Variants in MKNK1 observed in about 807,000 individuals in gnomAD.
The protein encoded by MKNK1 is MAPK interacting serine/threonine kinase 1.
A neutral mutation model predicts 49.3 loss-of-function variants in MKNK1; 30 were observed. The ratio of observed to expected loss-of-function variants is 0.61; its 90% CI spans 0.46 to 0.83. MKNK1 has a LOEUF of 0.83. Among genes scored for constraint, MKNK1 ranks in the 40% least tolerant of loss-of-function variants. MKNK1 has a pLI of 0.00. For missense variants in MKNK1, 423 were observed against 524.7 expected (o/e 0.81, Z 1.89); for synonymous variants, 176 against 201.7 (o/e 0.87, Z 1.08).
intron 10 of MKNK1, 23 bp from the exon 11 acceptor site, chr1:46,561,665 G>C (rs759584563): frequency 1.2e-6 from 2 of 1,611,432 alleles, no homozygotes; most frequent in Admixed American, 1.7e-5. Context: ...GATTCCTCCT[G>C]AGGCCACACT....
Position 46,558,634 on chromosome 1 carries a change from T to TCCGGGCCAGGC in MKNK1, c.1169_1179dup (p.Arg394AlafsTer47). The TCCGGGCCAGGC allele has an allele frequency of 6.2e-7, 1 of 1,614,064 alleles. No homozygotes were observed. Among genetic ancestry groups the TCCGGGCCAGGC allele is most frequent in the African/African-American group, 1.3e-5 (1 of 75,066 alleles). On this transcript the variant is annotated frameshift_variant, in exon 13 of 13. Coordinates refer to ENST00000371945, the MANE Select transcript of MKNK1 (RefSeq NM_001135553.4). LOFTEE classifies it high-confidence loss of function. ...CGGCCTGCCTGGGCCAGGGCCCGTC[T>TCCGGGCCAGGC]CCGGGCCAGGCGTGACTTGCAGGGA...
intron 6 of MKNK1, chr1:46,574,198 A>G (rs1670619689): frequency 6.6e-6 from 1 of 152,232 alleles, no homozygotes; most frequent in Non-Finnish European, 1.5e-5. Flanking sequence ...GGTGCTATCA[A>G]TATCTCTATT....
chr1:46,594,029 T>C (rs1180899211), intron 2 of MKNK1, 84 bp downstream of exon 2: 2 of 1,099,590 alleles, frequency 1.8e-6, no homozygotes, highest in East Asian at 4.7e-5. Flanking sequence ...CACGGTCTCT[T>C]ACCCGCCCTT....
Position 46,565,349 on chromosome 1 carries a change from G to GT in MKNK1, c.514-214_514-213insA. The GT allele has an allele frequency of 5.3e-6, 3 of 569,778 alleles. No homozygotes were observed. In the South Asian group the frequency reaches 6.0e-5, roughly 11 times the overall value. The allele number at this position is 569,778 out of a possible 1,614,324, so 35.3% of individuals were successfully genotyped here. ...GAGCTCTCTTATTTCCCATCTAAGGGAAAAATGGGTGGACTATTTGGTGTC... is the reference window on the plus strand; with the variant it reads ...GAGCTCTCTTATTTCCCATCTAAGGGTAAAAATGGGTGGACTATTTGGTGTC... On this transcript the variant is annotated intron_variant, in intron 8 of 12. Coordinates refer to ENST00000371945, the MANE Select transcript of MKNK1 (RefSeq NM_001135553.4).
At chr1:46,583,128 C>CT in intron 3 of MKNK1, 100 bp downstream of exon 3, 1 of 898,370 alleles carries the variant, frequency 1.1e-6, no homozygotes, top group Middle Eastern at 2.2e-4. Flanking sequence ...CCATCTGGCT[C>CT]TAACTTGACG....
chr1:46,585,871 T>C, intron 2 of MKNK1: 1 of 1,317,464 alleles, frequency 7.6e-7, no homozygotes, highest in Non-Finnish European at 1.0e-6. Context: ...AAAGACAGAG[T>C]ACCTGGTATA....
intron 8 of MKNK1, among the ~76,000 whole-genome samples, chr1:46,567,151 CAG>C (rs1669211602): frequency 6.6e-6 from 1 of 152,176 alleles, no homozygotes; most frequent in African/African-American, 2.4e-5. Flanking sequence ...CTTTGTTGCC[CAG>C]GCTGTTCTTA....
At chr1:46,576,327 A>T (rs1670949885) in intron 5 of MKNK1, 1 of 433,188 alleles carries the variant, frequency 2.3e-6, no homozygotes, top group African/African-American at 2.0e-5. Flanking sequence ...ACTGATTCAG[A>T]TAGTTCATTC....
At chr1:46,582,401 A>G (rs550500957) in intron 3 of MKNK1, among the ~76,000 whole-genome samples, 1 of 152,356 alleles carries the variant, frequency 6.6e-6, no homozygotes, top group East Asian at 1.9e-4. Flanking sequence ...ACATATCAGG[A>G]TAGGTGGGTG....
At chr1:46,569,068 C>T (rs947880701) in intron 7 of MKNK1, 8 of 152,394 alleles carry the variant, frequency 5.2e-5, no homozygotes, top group Admixed American at 4.6e-4. Context: ...GAGCAAAGAC[C>T]GCTTTGGCAC....
chr1:46,571,418 T>C, intron 7 of MKNK1: 1 of 312,176 alleles, frequency 3.2e-6, no homozygotes, highest in Non-Finnish European at 6.2e-6. Context: ...GGCACACACC[T>C]GTAGTCCCAG....
At chr1:46,562,923 C>T (rs772337350) in intron 9 of MKNK1, 80 bp from the exon 10 acceptor site, 2 of 1,216,824 alleles carry the variant, frequency 1.6e-6, no homozygotes, top group Non-Finnish European at 2.3e-6. Context: ...TGGCAGAGAG[C>T]AGACTGTGAT....
chr1:46,583,750 G>A (rs1388197501), intron 2 of MKNK1, among the ~76,000 whole-genome samples: 1 of 152,140 alleles, frequency 6.6e-6, no homozygotes, highest in African/African-American at 2.4e-5. Context: ...GTTGGGAGTG[G>A]GGGACCATGC....
At chr1:46,559,358 C>T (rs953489543) in intron 12 of MKNK1, among the ~76,000 whole-genome samples, 4 of 152,212 alleles carry the variant, frequency 2.6e-5, no homozygotes, top group African/African-American at 4.8e-5. Context: ...ACACGAATTG[C>T]GATTATGGAG....
At chr1:46,580,496 A>T in intron 4 of MKNK1, 34 bp downstream of exon 4, 1 of 1,438,634 alleles carries the variant, frequency 7.0e-7, no homozygotes, top group Non-Finnish European at 9.8e-7. Flanking sequence ...GACTATTTGC[A>T]AAGTAAAGCC....
intron 2 of MKNK1, among the ~76,000 whole-genome samples, chr1:46,591,719 T>C (rs901168178): frequency 2.6e-5 from 4 of 152,204 alleles, no homozygotes; most frequent in Non-Finnish European, 4.4e-5. Flanking sequence ...TTGTTTCATG[T>C]AAAAATGAAA....
intron 3 of MKNK1, among the ~76,000 whole-genome samples, chr1:46,581,508 C>CAAAAAA (rs36099600): frequency 1.9e-4 from 8 of 41,650 alleles, no homozygotes; most frequent in Non-Finnish European, 2.8e-4. Context: ...GACCCCATAT[C>CAAAAAA]AAAAAAAAAA....
intron 2 of MKNK1, among the ~76,000 whole-genome samples, chr1:46,583,705 GA>G (rs1284914654): frequency 9.8e-5 from 15 of 152,310 alleles, no homozygotes. Flanking sequence ...CTCAGCATCA[GA>G]AAGGCAAAAC....
chr1:46,565,269 T>C (rs760417692), intron 8 of MKNK1, 133 bp from the exon 9 acceptor site: 13 of 763,844 alleles, frequency 1.7e-5, no homozygotes, highest in Non-Finnish European at 2.5e-5. Context: ...ATGTTTGCTC[T>C]CCGGAGGTTA....
Sources: allele counts gnomAD v4.1 joint callset (sites outside exome capture counted in the v4.1 genomes callset), GRCh38; gene constraint gnomAD v4.1.1; transcripts MANE v1.5; gene names NCBI Gene and HGNC (gene_info 2026-07-23, HGNC 2026-07-21).